NEK8: variants seen among roughly 807,000 people sequenced by gnomAD.
NEK8 encodes the protein NIMA related kinase 8, also known as serine/threonine-protein kinase Nek8.
NEK8 carries 51 observed loss-of-function variants against 77.2 expected under a neutral mutation model. The ratio of observed to expected loss-of-function variants is 0.66; its 90% CI spans 0.53 to 0.83. The LOEUF (loss-of-function observed/expected upper bound fraction) is 0.83, where lower values mean the gene tolerates loss of function less well. NEK8 is among the 40% of genes least tolerant of loss of function. The pLI is 0.00. For synonymous variants in NEK8, 365 were observed against 363.2 expected (o/e 1.00, Z -0.06); for missense variants, 787 against 909.2 (o/e 0.87, Z 1.73).
intron 1 of NEK8, among the ~76,000 whole-genome samples, chr17:28,732,246 G>A (rs1438290809): frequency 2.0e-5 from 3 of 151,606 alleles, no homozygotes; most frequent in Non-Finnish European, 2.9e-5. Flanking sequence ...TTGAGGCCAC[G>A]AGTTCAAGAC....
Position 28,740,546 on chromosome 17 carries a change from G to C in NEK8, c.1501G>C (p.Val501Leu). 1 of 1,614,194 alleles carries C rather than the reference G, an allele frequency of 6.2e-7. No individual in the cohort carries two copies. Among genetic ancestry groups the C allele is most frequent in the Non-Finnish European group, 8.5e-7 (1 of 1,180,018 alleles). The change falls in exon 11 of 15, where the codon GTA (valine) becomes CTA (leucine). Residue 501 changes from valine to leucine, a missense_variant. By Grantham distance (32) the Val-to-Leu change is conservative. This residue lies in a region of NEK8 where 516 missense variants were observed against 544.0 expected (regional missense o/e 0.95). Coordinates refer to ENST00000268766, the MANE Select transcript of NEK8 (RefSeq NM_178170.3). This position sits in a 1 kb window ranked among gnomAD's most constrained non-coding sequence, Gnocchi z 4.7. ...MPPGQEAQRV[V>L]CGIDSSMILT... ...CCCAGGACAGGAAGCTCAGCGAGTT[G>C]TATGTGGTATCGATTCCTCCATGAT...
rs2034391415 is a variant in NEK8, at chr17:28,738,696, C to T, written c.1248C>T (p.Gly416=). 6.2e-7 allele frequency: 1 copy of T among 1,614,046 alleles called. No homozygotes were observed. Among genetic ancestry groups the T allele is most frequent in the African/African-American group, 1.3e-5 (1 of 74,930 alleles). ...ACAGAGGCATCATCATGACATTCGGCAGCGGCAGCAATGGGTGCCTAGGCC... is the reference window on the plus strand; with the variant it reads ...ACAGAGGCATCATCATGACATTCGGTAGCGGCAGCAATGGGTGCCTAGGCC... ...LTDRGIIMTF[G]SGSNGCLGHG... The change falls in exon 9 of 15, where the codon GGC becomes GGT. Residue 416 remains glycine (G), a synonymous_variant. Coordinates refer to ENST00000268766, the MANE Select transcript of NEK8 (RefSeq NM_178170.3).
At chr17:28,730,873 A>T (rs2034300121) in intron 1 of NEK8, among the ~76,000 whole-genome samples, 1 of 152,178 alleles carries the variant, frequency 6.6e-6, no homozygotes, top group Non-Finnish European at 1.5e-5. Context: ...TAGTAAGCTG[A>T]GATGAGACCC....
intron 2 of NEK8, 99 bp from the exon 3 acceptor site, chr17:28,734,673 C>G (rs563378060): frequency 2.5e-6 from 2 of 813,644 alleles, no homozygotes; most frequent in East Asian, 2.6e-5. Context: ...GGCAACAGAG[C>G]GAGACTCCAT....
chr17:28,733,784 C>G (rs2034333050), intron 1 of NEK8, among the ~76,000 whole-genome samples, 199 bp from the exon 2 acceptor site: 1 of 152,224 alleles, frequency 6.6e-6, no homozygotes, highest in Admixed American at 6.5e-5. Flanking sequence ...CCTCACAGTG[C>G]CTGTGGTGAA....
chr17:28,741,189 T>C lies in NEK8; in HGVS notation c.1844T>C (p.Met615Thr). The C allele has an allele frequency of 6.2e-7, 1 of 1,612,726 alleles. No homozygotes were observed. The highest frequency in any genetic ancestry group is 2.2e-5 in the East Asian group (1 of 44,820). ...CKVQGLEGIK[M>T]AMVACGDAFT... ...GTCCAAGGCCTTGAGGGCATCAAGA[T>C]GGCAATGGTAGCCTGTGGGGATGCC... Residue 615 changes from methionine (M) to threonine (T), a missense_variant, in exon 13 of 15, where the codon ATG becomes ACG. Around this residue, in one of 2 missense-constraint regions of NEK8, gnomAD observed 516 missense variants for 544.0 expected, o/e 0.95. Coordinates refer to ENST00000268766, the MANE Select transcript of NEK8 (RefSeq NM_178170.3). The surrounding 1 kb of genome is among the most constrained non-coding windows in gnomAD (Gnocchi z 4.5).
In NEK8 at chr17:28,730,448, A is replaced by G. The variant is rs184344969; in HGVS notation, c.47+1588A>G. 3.2e-3 allele frequency among the ~76,000 whole-genome samples: 493 copies of G among 151,808 alleles called. 4 individuals are homozygous for G. Among genetic ancestry groups the G allele is most frequent in the South Asian group, 9.6e-3 (46 of 4,806 alleles). On this transcript the variant is annotated intron_variant, in intron 1 of 14. Transcript: ENST00000268766. ...CCACCATGCCTGGCTAATTTTTTGT[A>G]TTTTTAGTAGAGACAGGGTTTCACC... is the stretch of plus-strand genomic sequence containing the variant.
intron 1 of NEK8, among the ~76,000 whole-genome samples, chr17:28,729,124 A>G (rs2034280700): frequency 6.6e-6 from 1 of 152,264 alleles, no homozygotes. Flanking sequence ...CCAGCTATGT[A>G]TGTCAGGCTT....
At chr17:28,739,896 T>G (rs1002645244) in intron 10 of NEK8, among the ~76,000 whole-genome samples, 2 of 152,102 alleles carry the variant, frequency 1.3e-5, no homozygotes, top group Non-Finnish European at 2.9e-5. Flanking sequence ...AGAGAACAGA[T>G]AGCATCAGGG....
At chr17:28,738,339 C>T (rs954291126) in intron 8 of NEK8, 94 bp downstream of exon 8, 124 of 1,415,554 alleles carry the variant, frequency 8.8e-5, no homozygotes, top group Non-Finnish European at 1.2e-4. Flanking sequence ...ATGAATGCTT[C>T]TGTCTACTAG....
Position 28,743,451 on chromosome 17 carries a change from C to T in NEK8, c.*1464C>T, listed in dbSNP as rs984896489. Reference sequence around the variant, plus strand: ...ACAGGAAGGCCAATAAAAATATCAGCTGCCTGCCTGGAGTGTGGTGTCTTC... The same window carrying T: ...ACAGGAAGGCCAATAAAAATATCAGTTGCCTGCCTGGAGTGTGGTGTCTTC... On this transcript the variant is annotated 3_prime_UTR_variant, in exon 15 of 15. Coordinates refer to ENST00000268766, the MANE Select transcript of NEK8 (RefSeq NM_178170.3). The T allele has an allele frequency of 6.6e-6, 1 of 152,310 alleles. No individual in the cohort carries two copies. The highest frequency in any genetic ancestry group is 1.5e-5 in the Non-Finnish European group (1 of 68,130). 9.4% of individuals were successfully genotyped at this position (152,310 alleles called of 1,614,324 possible).
chr17:28,729,247 T>C (rs921572717), intron 1 of NEK8, among the ~76,000 whole-genome samples: 1 of 152,254 alleles, frequency 6.6e-6, no homozygotes, highest in Non-Finnish European at 1.5e-5. Context: ...TAAGAAGTTA[T>C]AGCAGTTATG....
Position 28,737,577 on chromosome 17 carries a change from G to T in NEK8, c.827+63G>T. The stretch of plus-strand genomic sequence containing the variant: ...GTGTGGGCACCCAGTGGGAGCACAG[G>T]AGGTCTGAGGCAGAGGGAAACCTGG... On this transcript the variant is annotated intron_variant, in intron 5 of 14. Coordinates refer to ENST00000268766, the MANE Select transcript of NEK8 (RefSeq NM_178170.3). This position sits in a 1 kb window ranked among gnomAD's most constrained non-coding sequence, Gnocchi z 4.8. 6.2e-7 allele frequency: 1 copy of T among 1,613,324 alleles called. No homozygotes were observed. Among genetic ancestry groups the T allele is most frequent in the Non-Finnish European group, 8.5e-7 (1 of 1,179,636 alleles).
In NEK8 at chr17:28,735,246, G is replaced by T. The variant is rs1270625027; in HGVS notation, c.493G>T (p.Gly165Cys). 1 of 1,613,996 alleles carries T rather than the reference G, an allele frequency of 6.2e-7. No individual in the cohort carries two copies. The highest frequency in any genetic ancestry group is 2.2e-5 in the East Asian group (1 of 44,868). Residue 165 changes from glycine (G) to cysteine (C), a missense_variant, in exon 4 of 15, where the codon GGT becomes TGT. Transcript: ENST00000268766. ...CCCAGCTTCTATCCTGCAGGTGGTG[G>T]GTACCCCATGCTATATCTCCCCTGA... ...SSKSKAYTVVGTPCYISPELC... is the reference protein window; with the variant it reads ...SSKSKAYTVVCTPCYISPELC...
At chr17:28,728,891 T>G (rs759022812) in intron 1 of NEK8, 31 bp downstream of exon 1, 191 of 1,533,528 alleles carry the variant, frequency 1.2e-4, no homozygotes, top group Non-Finnish European at 1.6e-4. Flanking sequence ...AGGAAACTGC[T>G]AGGGGATAGG....
Position 28,737,867 on chromosome 17 carries a change from C to T in NEK8, c.938C>T (p.Ser313Leu). The stretch of plus-strand genomic sequence containing the variant: ...CCAGCCATCCCACCACCACTGTCGT[C>T]AGTGTATGCCTGGGGTGGTGGGCTG... The part of the protein sequence containing the change: ...VRPAIPPPLS[S>L]VYAWGGGLGT... Residue 313 changes from serine to leucine, a missense_variant, in exon 7 of 15, where the codon TCA becomes TTA. Coordinates refer to ENST00000268766, the MANE Select transcript of NEK8 (RefSeq NM_178170.3). The surrounding 1 kb of genome is among the most constrained non-coding windows in gnomAD (Gnocchi z 4.8). 2 of 1,613,982 alleles carry T rather than the reference C, an allele frequency of 1.2e-6. No individual in the cohort carries two copies. Among genetic ancestry groups the T allele is most frequent in the Non-Finnish European group, 1.7e-6 (2 of 1,180,026 alleles).
Position 28,734,154 on chromosome 17 carries a change from C to G in NEK8, c.219C>G (p.Asp73Glu), listed in dbSNP as rs2034337601. 2 of 1,614,108 alleles carry G rather than the reference C, an allele frequency of 1.2e-6. No individual in the cohort carries two copies. Among genetic ancestry groups the G allele is most frequent in the African/African-American group, 1.3e-5 (1 of 74,936 alleles). Residue 73 changes from aspartate to glutamate, a missense_variant, in exon 2 of 15, where the codon GAC becomes GAG. Around this residue, in one of 2 missense-constraint regions of NEK8, gnomAD observed 271 missense variants for 365.1 expected, o/e 0.74. Transcript: ENST00000268766. ...AGTACTACGAGAACTTCCTGGAAGACAAAGCCCTTATGATCGCCATGGAAT... is the reference window on the plus strand; with the variant it reads ...AGTACTACGAGAACTTCCTGGAAGAGAAAGCCCTTATGATCGCCATGGAAT... ...VIEYYENFLE[D>E]KALMIAMEYA...
chr17:28,741,630 C>A lies in NEK8; in HGVS notation c.2050+59C>A. The A allele has an allele frequency of 6.4e-7, 1 of 1,561,380 alleles. No homozygotes were observed. Reference sequence around the variant, plus strand: ...CCCAGCTGGCCCCTGTCCACACTCCCATCCCCAGTGTTCACAGATGGCCAC... The same window carrying A: ...CCCAGCTGGCCCCTGTCCACACTCCAATCCCCAGTGTTCACAGATGGCCAC... On this transcript the variant is annotated intron_variant, in intron 14 of 14. Transcript: ENST00000268766. This position sits in a 1 kb window ranked among gnomAD's most constrained non-coding sequence, Gnocchi z 4.5.
rs1306030164 is a variant in NEK8, at chr17:28,741,246, G to A, written c.1891+10G>A. 3.1e-6 allele frequency: 5 copies of A among 1,601,268 alleles called. No individual in the cohort carries two copies. Among genetic ancestry groups the A allele is most frequent in the African/African-American group, 1.3e-5 (1 of 74,618 alleles). On this transcript the variant is annotated intron_variant, in intron 13 of 14. Transcript: ENST00000268766. The surrounding 1 kb of genome is among the most constrained non-coding windows in gnomAD (Gnocchi z 4.5). The stretch of plus-strand genomic sequence containing the variant: ...GTAGCTATTGGGGCAGGTGAGGACT[G>A]AGCATGGTGGGGGCAGACAGTGCCA...
Sources: gnomAD v4.1 joint callset for allele counts (sites outside exome capture counted in the v4.1 genomes callset) on GRCh38, gnomAD v4.1.1 for gene constraint, gnomAD v4.1.1 regional missense constraint, Gnocchi (gnomAD v3.1) non-coding constraint, MANE v1.5 for transcripts, NCBI Gene and HGNC (gene_info 2026-07-23, HGNC 2026-07-21) for gene names.